Variants in DIAPH1 observed in about 807,000 individuals in gnomAD.
DIAPH1 encodes the protein diaphanous related formin 1, also known as protein diaphanous homolog 1.
Under a neutral mutation model 140.7 loss-of-function variants are expected in DIAPH1, and 46 were observed. The ratio of observed to expected loss-of-function variants is 0.33; its 90% CI spans 0.26 to 0.42. The LOEUF (loss-of-function observed/expected upper bound fraction) is 0.42. Ranked by LOEUF, DIAPH1 falls within the 10% of genes least tolerant of loss-of-function variation. DIAPH1 has a pLI of 1.00. For missense variants in DIAPH1, 1,310 were observed against 1,558.7 expected (o/e 0.84, Z 2.69); for synonymous variants, 565 against 551.6 (o/e 1.02, Z -0.34).
chr5:141,587,155 T>G lies in DIAPH1; in HGVS notation c.187A>C (p.Lys63Gln). 6.2e-7 allele frequency: 1 copy of G among 1,614,168 alleles called. No individual in the cohort carries two copies. The highest frequency in any genetic ancestry group is 8.5e-7 in the Non-Finnish European group (1 of 1,180,012). Reference sequence around the variant, plus strand: ...GAATTTCTATGAGCAGAATTGGGCTTTTCCTTCTCCTTCTTAATTCTCATG... The same window carrying G: ...GAATTTCTATGAGCAGAATTGGGCTGTTCCTTCTCCTTCTTAATTCTCATG... ...TSMRIKKEKE[K>Q]PNSAHRNSSA... Residue 63 changes from lysine (K) to glutamine (Q), a missense_variant, in exon 3 of 28, where the codon AAG (lysine) becomes CAG (glutamine). Physicochemically the swap from Lys to Gln is moderately conservative, Grantham distance 53. Around this residue, in one of 3 missense-constraint regions of DIAPH1, gnomAD observed 377 missense variants for 497.1 expected, o/e 0.76. Coordinates refer to ENST00000389054, the MANE Select transcript of DIAPH1 (RefSeq NM_005219.5).
At chr5:141,581,540 C>A (rs1464973170) in intron 7 of DIAPH1, among the ~76,000 whole-genome samples, 1 of 152,110 alleles carries the variant, frequency 6.6e-6, no homozygotes, top group Non-Finnish European at 1.5e-5. Context: ...TCTCTCCCCG[C>A]AATCCAATGG....
rs376435335 is a variant in DIAPH1 at position 141,526,183 on chromosome 5, G to A, written c.3439-10C>T. 1 of 1,614,058 alleles carries A rather than the reference G, an allele frequency of 6.2e-7. No individual in the cohort carries two copies. The highest frequency in any genetic ancestry group is 2.2e-5 in the East Asian group (1 of 44,868). ...TCTCCTTGACTGCTTGCTGGGGCAGGGAAGAGGAGGAAGGAACACATGGGC... is the reference window on the plus strand; with the variant it reads ...TCTCCTTGACTGCTTGCTGGGGCAGAGAAGAGGAGGAAGGAACACATGGGC... On this transcript the variant is annotated splice_polypyrimidine_tract_variant and intron_variant, in intron 25 of 27. Coordinates refer to ENST00000389054, the MANE Select transcript of DIAPH1 (RefSeq NM_005219.5).
intron 1 of DIAPH1, among the ~76,000 whole-genome samples, chr5:141,599,502 A>C (rs1475841270): frequency 6.6e-6 from 1 of 152,158 alleles, no homozygotes; most frequent in Non-Finnish European, 1.5e-5. Context: ...TGGGAACTAC[A>C]AAGGTTTTTG....
At chr5:141,521,908 T>C (rs1424120497) in intron 27 of DIAPH1, among the ~76,000 whole-genome samples, 1 of 152,204 alleles carries the variant, frequency 6.6e-6, no homozygotes, top group Admixed American at 6.5e-5. Context: ...AGACCATTCA[T>C]TCTAGTCCAA....
intron 27 of DIAPH1, chr5:141,518,825 G>T: frequency 1.0e-6 from 1 of 990,340 alleles, no homozygotes; most frequent in Non-Finnish European, 1.6e-6. Context: ...GCCTGCCAAA[G>T]CCCAAGTCTT....
At chr5:141,530,412 C>T (rs1217942766) in intron 19 of DIAPH1, among the ~76,000 whole-genome samples, 1 of 152,186 alleles carries the variant, frequency 6.6e-6, no homozygotes, top group Non-Finnish European at 1.5e-5. Context: ...TATTACCTTT[C>T]TTTTGCTTCC....
chr5:141,581,944 C>T, intron 7 of DIAPH1: 1 of 183,268 alleles, frequency 5.5e-6, no homozygotes, highest in East Asian at 1.5e-4. Context: ...CCTGTAGTCC[C>T]AGCTACTCGG....
At chr5:141,576,667 G>GT (rs1443086166) in intron 13 of DIAPH1, 89 bp downstream of exon 13, 3 of 932,434 alleles carry the variant, frequency 3.2e-6, no homozygotes, top group East Asian at 4.9e-5. Context: ...GACTGGAAAG[G>GT]TATCTTCTCT....
At chr5:141,529,554 C>A in intron 20 of DIAPH1, 49 bp downstream of exon 20, 2 of 1,435,782 alleles carry the variant, frequency 1.4e-6, no homozygotes, top group Non-Finnish European at 2.0e-6. Flanking sequence ...GAGGCCAGTG[C>A]CCAGCGACAC....
chr5:141,522,893 A>G (rs1458432511), intron 27 of DIAPH1, among the ~76,000 whole-genome samples: 1 of 152,190 alleles, frequency 6.6e-6, no homozygotes, highest in Non-Finnish European at 1.5e-5. Context: ...TTTGGGGAAC[A>G]TTCTGAAGTC....
chr5:141,530,468 C>T (rs1296128845), intron 19 of DIAPH1, among the ~76,000 whole-genome samples: 3 of 152,204 alleles, frequency 2.0e-5, no homozygotes, highest in African/African-American at 7.2e-5. Context: ...CATTTCTCTA[C>T]TCTGACACCT....
In DIAPH1 at chr5:141,575,149, A is replaced by G; in HGVS notation, c.1462-3T>C. The stretch of plus-strand genomic sequence containing the variant: ...CGGGCTGTTAACTCTGAGTCCAACT[A>G]GAGAAAAAACGAATCAGGCTCCCAG... On this transcript the variant is annotated splice_region_variant and splice_polypyrimidine_tract_variant and intron_variant, in intron 14 of 27. Coordinates refer to ENST00000389054, the MANE Select transcript of DIAPH1 (RefSeq NM_005219.5). 4 of 1,614,114 alleles carry G rather than the reference A, an allele frequency of 2.5e-6. No homozygotes were observed. Among genetic ancestry groups the G allele is most frequent in the Non-Finnish European group, 2.5e-6 (3 of 1,179,994 alleles).
At chr5:141,607,378 C>T (rs1256658930) in intron 1 of DIAPH1, among the ~76,000 whole-genome samples, 1 of 152,236 alleles carries the variant, frequency 6.6e-6, no homozygotes, top group East Asian at 1.9e-4. Flanking sequence ...CTAAAAAGAT[C>T]GATGTATTAA....
rs373520931 is a variant in DIAPH1, at chr5:141,573,688, G to T, written c.2162C>A (p.Pro721His). The change falls in exon 16 of 28, where the codon CCT (proline) becomes CAT (histidine). Residue 721 changes from proline to histidine, a missense_variant. Pro to His is a moderately conservative substitution (Grantham distance 77). Around this residue, in one of 3 missense-constraint regions of DIAPH1, gnomAD observed 589 missense variants for 549.3 expected, o/e 1.07. Coordinates refer to ENST00000389054, the MANE Select transcript of DIAPH1 (RefSeq NM_005219.5). The part of the protein sequence containing the change: ...AGMPPPPPPL[P>H]GGPGIPPPPP... Reference sequence around the variant, plus strand: ...AGGTGGAGGGATTCCAGGACCACCAGGAAGAGGGGGAGGAGGAGGTGGCAT... The same window carrying T: ...AGGTGGAGGGATTCCAGGACCACCATGAAGAGGGGGAGGAGGAGGTGGCAT... 1.4e-5 allele frequency: 23 copies of T among 1,605,456 alleles called. No individual in the cohort carries two copies. Among genetic ancestry groups the T allele is most frequent in the African/African-American group, 2.7e-5 (2 of 74,454 alleles).
At chr5:141,526,583 T>C (rs2099887364) in intron 24 of DIAPH1, 122 bp from the exon 25 acceptor site, 4 of 1,248,744 alleles carry the variant, frequency 3.2e-6, no homozygotes, top group South Asian at 1.2e-5. Context: ...GCACTGTTTA[T>C]AACAGCAAAA....
chr5:141,538,311 C>T lies in DIAPH1; in HGVS notation c.2483-3878G>A, dbSNP rs577341885. ...TCCTGACCTCGTGATCTGCCCGCCTCGGCCTCCCAAAGAGCTGGGATTACA... is the reference window on the plus strand; with the variant it reads ...TCCTGACCTCGTGATCTGCCCGCCTTGGCCTCCCAAAGAGCTGGGATTACA... On this transcript the variant is annotated intron_variant, in intron 18 of 27. Coordinates refer to ENST00000389054, the MANE Select transcript of DIAPH1 (RefSeq NM_005219.5). Among the ~76,000 whole-genome samples, 4 of 151,986 alleles carry T rather than the reference C, an allele frequency of 2.6e-5. No homozygotes were observed. In the South Asian group the frequency reaches 6.2e-4, roughly 24 times the overall value.
At chr5:141,537,808 A>G (rs977773111) in intron 18 of DIAPH1, among the ~76,000 whole-genome samples, 2 of 152,104 alleles carry the variant, frequency 1.3e-5, no homozygotes, top group Admixed American at 6.5e-5. Context: ...ATATACGTAT[A>G]TTGTAATACC....
intron 18 of DIAPH1, among the ~76,000 whole-genome samples, chr5:141,540,478 C>T (rs2099889804): frequency 6.6e-6 from 1 of 151,960 alleles, no homozygotes; most frequent in South Asian, 2.1e-4. Flanking sequence ...GACGGGGTTC[C>T]ATCATACTGG....
At chr5:141,560,724 C>G in intron 18 of DIAPH1, 1 of 383,422 alleles carries the variant, frequency 2.6e-6, no homozygotes, top group Non-Finnish European at 5.2e-6. Context: ...GAATTCTAAA[C>G]CATTCTCCAT....
Sources: gnomAD v4.1 joint callset for allele counts (sites outside exome capture counted in the v4.1 genomes callset) on GRCh38, gnomAD v4.1.1 for gene constraint, gnomAD v4.1.1 regional missense constraint, MANE v1.5 for transcripts, NCBI Gene and HGNC (gene_info 2026-07-23, HGNC 2026-07-21) for gene names.